CNTNAP2: variants seen among roughly 807,000 people sequenced by gnomAD.
CNTNAP2 encodes contactin-associated protein-like 2.
A neutral mutation model predicts 155.2 loss-of-function variants in CNTNAP2; 98 were observed. The observed-to-expected ratio is 0.63, with a 90% CI of 0.54 to 0.75. The LOEUF (loss-of-function observed/expected upper bound fraction) is 0.75, where lower values mean the gene tolerates loss of function less well. Ranked by LOEUF, CNTNAP2 falls within the 30% of genes least tolerant of loss-of-function variation. CNTNAP2 has a pLI of 0.00. For missense variants in CNTNAP2, 1,727 were observed against 1,688.1 expected (o/e 1.02, Z -0.40); for synonymous variants, 651 against 631.2 (o/e 1.03, Z -0.47).
intron 19 of CNTNAP2, among the ~76,000 whole-genome samples, chr7:148,226,380 C>A (rs1340305100): frequency 6.6e-6 from 1 of 151,994 alleles, no homozygotes; most frequent in African/African-American, 2.4e-5. Flanking sequence ...CACCAACCAC[C>A]AAGAATGTCA....
intron 3 of CNTNAP2, among the ~76,000 whole-genome samples, chr7:146,893,459 GTATATATATACATACA>G (rs1795819062): frequency 7.7e-6 from 1 of 130,130 alleles, no homozygotes; most frequent in Non-Finnish European, 1.6e-5. Flanking sequence ...ATGTGTGTGT[GTATATATATACATACA>G]TATATATATA....
chr7:147,596,609 C>A (rs984993510), intron 12 of CNTNAP2, among the ~76,000 whole-genome samples: 5 of 152,234 alleles, frequency 3.3e-5, no homozygotes, highest in African/African-American at 9.6e-5. Context: ...ATTCATTCAG[C>A]CTTTTGTTTT....
chr7:146,950,049 C>A (rs1194012116), intron 3 of CNTNAP2, among the ~76,000 whole-genome samples: 5 of 152,158 alleles, frequency 3.3e-5, no homozygotes, highest in African/African-American at 9.6e-5. Context: ...ACAAGAGAAA[C>A]AATAACAACA....
chr7:146,373,801 A>G (rs572912090), intron 1 of CNTNAP2, among the ~76,000 whole-genome samples: 2 of 152,234 alleles, frequency 1.3e-5, no homozygotes, highest in Non-Finnish European at 2.9e-5. Context: ...AATGGCTTCC[A>G]GAAATAAAAG....
In CNTNAP2 at chr7:146,126,814, T is replaced by C. The variant is rs1797644107; in HGVS notation, c.97+9841T>C. ...ATGGCAGTGGGAAAATATTTGTCTT[T>C]AAAATATTTGCCAGTCCTAATGCTT... is the stretch of plus-strand genomic sequence containing the variant. On this transcript the variant is annotated intron_variant, in intron 1 of 23. Transcript: ENST00000361727. 2.0e-5 allele frequency among the ~76,000 whole-genome samples: 3 copies of C among 152,320 alleles called. No individual in the cohort carries two copies. In the South Asian group the frequency reaches 6.2e-4, roughly 32 times the overall value.
intron 21 of CNTNAP2, among the ~76,000 whole-genome samples, chr7:148,283,436 T>C (rs1161729278): frequency 6.6e-6 from 1 of 152,198 alleles, no homozygotes; most frequent in Non-Finnish European, 1.5e-5. Flanking sequence ...ATTTCATATT[T>C]ACAAATTCAC....
intron 13 of CNTNAP2, among the ~76,000 whole-genome samples, chr7:147,694,677 AC>A (rs140110352): frequency 0.016 from 2,359 of 152,108 alleles, 60 homozygotes; most frequent in African/African-American, 0.054. Context: ...TAGTGATGGC[AC>A]CTCTTTCATT....
At chr7:146,864,588 A>G (rs1379056168) in intron 3 of CNTNAP2, among the ~76,000 whole-genome samples, 1 of 152,164 alleles carries the variant, frequency 6.6e-6, no homozygotes, top group African/African-American at 2.4e-5. Context: ...TAAGAAAAGA[A>G]TAAACAGAAG....
intron 1 of CNTNAP2, among the ~76,000 whole-genome samples, chr7:146,720,984 ATACT>A (rs1368616434): frequency 0.027 from 3,538 of 132,956 alleles, 190 homozygotes; most frequent in African/African-American, 0.1. Context: ...TAGACTATAT[ATACT>A]GTATATATAT....
At chr7:147,131,374 G>A (rs561134998) in intron 7 of CNTNAP2, among the ~76,000 whole-genome samples, 1 of 152,000 alleles carries the variant, frequency 6.6e-6, no homozygotes, top group South Asian at 2.1e-4. Flanking sequence ...GATAAAAGAA[G>A]TTAGAAGCAA....
intron 1 of CNTNAP2, among the ~76,000 whole-genome samples, chr7:146,478,698 GCA>G (rs1796915441): frequency 1.3e-5 from 2 of 151,542 alleles, no homozygotes; most frequent in African/African-American, 4.9e-5. Context: ...ACACACACAT[GCA>G]CACACACAGG....
chr7:146,925,141 C>G (rs987369992), intron 3 of CNTNAP2, among the ~76,000 whole-genome samples: 1 of 152,026 alleles, frequency 6.6e-6, no homozygotes, highest in African/African-American at 2.4e-5. Flanking sequence ...TATATGCACC[C>G]ATATTGACTT....
At chr7:147,599,268 G>A (rs902503608) in intron 12 of CNTNAP2, among the ~76,000 whole-genome samples, 4 of 151,826 alleles carry the variant, frequency 2.6e-5, no homozygotes, top group Admixed American at 2.6e-4. Context: ...TCTGAGATCA[G>A]GAGTTCGTGA....
chr7:146,578,266 T>C (rs1489345597), intron 1 of CNTNAP2, among the ~76,000 whole-genome samples: 1 of 152,126 alleles, frequency 6.6e-6, no homozygotes, highest in African/African-American at 2.4e-5. Context: ...CTGGAGCCAC[T>C]AGTAAATCTG....
intron 8 of CNTNAP2, among the ~76,000 whole-genome samples, chr7:147,195,305 G>A (rs1802767080): frequency 6.6e-6 from 1 of 152,184 alleles, no homozygotes; most frequent in Non-Finnish European, 1.5e-5. Context: ...CCAGTACCAT[G>A]CTGTTTTGGT....
chr7:146,772,706 T>G (rs1010992746), intron 1 of CNTNAP2, among the ~76,000 whole-genome samples: 3 of 151,506 alleles, frequency 2.0e-5, no homozygotes, highest in African/African-American at 7.3e-5. Flanking sequence ...AAAGGGGCCA[T>G]GGTGGCTAGA....
At chr7:146,791,236 C>T (rs963680262) in intron 2 of CNTNAP2, among the ~76,000 whole-genome samples, 7 of 152,096 alleles carry the variant, frequency 4.6e-5, no homozygotes, top group African/African-American at 1.4e-4. Context: ...TGGCGGTTTC[C>T]AGCTTCATCC....
intron 18 of CNTNAP2, among the ~76,000 whole-genome samples, chr7:148,195,153 C>T (rs1288602243): frequency 2.0e-5 from 3 of 152,262 alleles, no homozygotes; most frequent in Middle Eastern, 6.8e-3. Flanking sequence ...TGTATTTGTA[C>T]CCTCTGTGAT....
At chr7:148,273,770 T>C (rs928963319) in intron 21 of CNTNAP2, among the ~76,000 whole-genome samples, 2 of 152,304 alleles carry the variant, frequency 1.3e-5, no homozygotes, top group African/African-American at 4.8e-5. Flanking sequence ...GTCATATTGG[T>C]CTCAGATCCT....
Sources: gnomAD v4.1 joint callset for allele counts (sites outside exome capture counted in the v4.1 genomes callset) on GRCh38, gnomAD v4.1.1 for gene constraint, MANE v1.5 for transcripts, NCBI Gene and HGNC (gene_info 2026-07-23, HGNC 2026-07-21) for gene names.